NACC1: variants seen among roughly 807,000 people sequenced by gnomAD.
NACC1 encodes nucleus accumbens associated 1, also known as nucleus accumbens-associated protein 1.
NACC1 carries 6 observed loss-of-function variants against 41.7 expected under a neutral mutation model. The observed-to-expected ratio is 0.14, with a 90% CI of 0.08 to 0.28. The LOEUF is 0.28. Among genes scored for constraint, NACC1 ranks in the 10% least tolerant of loss-of-function variants. NACC1 has a pLI of 1.00. For synonymous variants in NACC1, 338 were observed against 330.6 expected (o/e 1.02, Z -0.24); for missense variants, 434 against 763.7 (o/e 0.57, Z 5.09).
In NACC1 at chr19:13,127,371, C is replaced by CTTTT. The variant is rs147514422; in HGVS notation, c.-8-7803_-8-7800dup. 1.6e-3 allele frequency among the ~76,000 whole-genome samples: 46 copies of CTTTT among 28,514 alleles called. 11 individuals carry two copies. Among genetic ancestry groups the CTTTT allele is most frequent in the African/African-American group, 5.0e-3 (39 of 7,776 alleles). 18.7% of individuals were successfully genotyped at this position (28,514 alleles called of 152,430 possible). A position where few individuals can be genotyped will look rare whatever the true frequency, so the allele number is the denominator to read the frequency against. On this transcript the variant is annotated intron_variant, in intron 1 of 5. Coordinates refer to ENST00000292431, the MANE Select transcript of NACC1 (RefSeq NM_052876.4). ...AAAAAAAAGCATACATATACATATA[C>CTTTT]TTTTTTTTTTTTTTTTTTTTTTTTT...
intron 1 of NACC1, among the ~76,000 whole-genome samples, chr19:13,119,528 G>T (rs192097047): frequency 1.3e-5 from 2 of 152,240 alleles, no homozygotes; most frequent in Non-Finnish European, 2.9e-5. Flanking sequence ...ACCTTTTGTG[G>T]CCAGAAGCTG....
At chr19:13,125,752 T>C (rs1331331868) in intron 1 of NACC1, among the ~76,000 whole-genome samples, 1 of 151,398 alleles carries the variant, frequency 6.6e-6, no homozygotes. Flanking sequence ...ACTTCTTTTT[T>C]ATTTTGAGAT....
At chr19:13,120,998 A>T (rs2019483682) in intron 1 of NACC1, among the ~76,000 whole-genome samples, 1 of 152,238 alleles carries the variant, frequency 6.6e-6, no homozygotes, top group Non-Finnish European at 1.5e-5. Context: ...GGAGTAACAG[A>T]TCCAGAGCAG....
At chr19:13,123,539 G>T (rs1344701185) in intron 1 of NACC1, among the ~76,000 whole-genome samples, 1 of 152,128 alleles carries the variant, frequency 6.6e-6, no homozygotes, top group African/African-American at 2.4e-5. Flanking sequence ...GCAGTTGGGA[G>T]GATTGGGAAA....
intron 1 of NACC1, among the ~76,000 whole-genome samples, chr19:13,134,020 C>G (rs1298997594): frequency 6.6e-6 from 1 of 152,054 alleles, no homozygotes; most frequent in Admixed American, 6.6e-5. Context: ...CTTCTAATTT[C>G]CCTGATGACT....
chr19:13,119,578 C>T (rs1164313622), intron 1 of NACC1, among the ~76,000 whole-genome samples: 3 of 152,138 alleles, frequency 2.0e-5, no homozygotes, highest in African/African-American at 4.8e-5. Context: ...CAGCAACCAT[C>T]GTATATATTA....
upstream of NACC1, chr19:13,117,535 C>A (rs1351364696): frequency 6.6e-6 from 1 of 151,572 alleles, no homozygotes; most frequent in Non-Finnish European, 1.5e-5. Flanking sequence ...TTCTTCATTT[C>A]TCTGTGCCTC....
chr19:13,136,067 A>G lies in NACC1; in HGVS notation c.860A>G (p.Asp287Gly). The change falls in exon 2 of 6, where the codon GAT becomes GGT. Residue 287 changes from aspartate (D) to glycine (G), a missense_variant. Asp to Gly is a moderately conservative substitution (Grantham distance 94). This residue lies in a region of NACC1 where 234 missense variants were observed against 308.3 expected (regional missense o/e 0.76). Transcript: ENST00000292431. This position sits in a 1 kb window ranked among gnomAD's most constrained non-coding sequence, Gnocchi z 5.5. ...SYHNEEDEEEDGGEEGMDEQY... is the reference protein window; with the variant it reads ...SYHNEEDEEEGGGEEGMDEQY... ...CACAATGAGGAGGACGAGGAGGAGG[A>G]TGGTGGCGAGGAGGGCATGGATGAG... The G allele has an allele frequency of 6.2e-7, 1 of 1,614,116 alleles. No individual in the cohort carries two copies. The highest frequency in any genetic ancestry group is 8.5e-7 in the Non-Finnish European group (1 of 1,180,020).
chr19:13,123,698 C>T lies in NACC1; in HGVS notation c.-9+5244C>T, dbSNP rs2019527979. 2.0e-5 allele frequency among the ~76,000 whole-genome samples: 3 copies of T among 152,308 alleles called. No individual in the cohort carries two copies. The South Asian group carries it at 6.2e-4, about 32-fold the overall frequency. On this transcript the variant is annotated intron_variant, in intron 1 of 5. Transcript: ENST00000292431. ...TCAGGTAAAGAGCCCCAGCTCTGGGCTCGGCCGGTCCGGGGTTCCCGTCTG... is the reference window on the plus strand; with the variant it reads ...TCAGGTAAAGAGCCCCAGCTCTGGGTTCGGCCGGTCCGGGGTTCCCGTCTG...
intron 1 of NACC1, among the ~76,000 whole-genome samples, chr19:13,121,909 T>G (rs999719770): frequency 1.3e-5 from 2 of 152,226 alleles, no homozygotes; most frequent in African/African-American, 2.4e-5. Flanking sequence ...ACCCTAGTCC[T>G]TCCTTCACAC....
At position 13,127,999 on chromosome 19, in the gene NACC1, C is replaced by T. The variant is rs187845244; in HGVS notation, c.-8-7201C>T. Among the ~76,000 whole-genome samples, 24 of 152,274 alleles carry T rather than the reference C, an allele frequency of 1.6e-4. No individual in the cohort carries two copies. The East Asian group carries it at 4.2e-3, about 27-fold the overall frequency. On this transcript the variant is annotated intron_variant, in intron 1 of 5. Transcript: ENST00000292431. ...CATTGTAGGGGCCCAGGCAGTGTCA[C>T]TTGGGGCCAAGGTAGTACAAAGTGG...
At chr19:13,119,827 G>A (rs1316056931) in intron 1 of NACC1, among the ~76,000 whole-genome samples, 2 of 152,182 alleles carry the variant, frequency 1.3e-5, no homozygotes, top group Non-Finnish European at 2.9e-5. Context: ...TGCCGAGCTC[G>A]CTGGTCGGAT....
intron 1 of NACC1, among the ~76,000 whole-genome samples, chr19:13,120,836 A>G (rs1183734707): frequency 3.3e-5 from 5 of 152,218 alleles, no homozygotes; most frequent in South Asian, 2.1e-4. Flanking sequence ...GCCTAGAGGT[A>G]GAGGAGAAGG....
At chr19:13,130,368 G>T (rs188209849) in intron 1 of NACC1, among the ~76,000 whole-genome samples, 1 of 152,106 alleles carries the variant, frequency 6.6e-6, no homozygotes, top group Non-Finnish European at 1.5e-5. Flanking sequence ...GTGAGCCACC[G>T]TGCCCAGCCT....
chr19:13,124,877 G>A (rs1008520143), intron 1 of NACC1, among the ~76,000 whole-genome samples: 3 of 151,040 alleles, frequency 2.0e-5, no homozygotes, highest in African/African-American at 7.4e-5. Flanking sequence ...CCAGGAGTTC[G>A]AGACCAGCCT....
Position 13,136,059 on chromosome 19 carries a change from G to C in NACC1, c.852G>C (p.Glu284Asp). 6.2e-7 allele frequency: 1 copy of C among 1,614,142 alleles called. No homozygotes were observed. The highest frequency in any genetic ancestry group is 2.2e-5 in the East Asian group (1 of 44,874). Residue 284 changes from glutamate to aspartate, a missense_variant, in exon 2 of 6, where the codon GAG becomes GAC. By Grantham distance (45) the Glu-to-Asp change is conservative. This residue lies in a region of NACC1 where 234 missense variants were observed against 308.3 expected (regional missense o/e 0.76). Coordinates refer to ENST00000292431, the MANE Select transcript of NACC1 (RefSeq NM_052876.4). The surrounding 1 kb of genome is among the most constrained non-coding windows in gnomAD (Gnocchi z 5.5). ...SPGSYHNEED[E>D]EEDGGEEGMD... is the part of the protein sequence containing the mutation. ...GCTCCTACCACAATGAGGAGGACGA[G>C]GAGGAGGATGGTGGCGAGGAGGGCA...
At chr19:13,133,922 T>C (rs572060956) in intron 1 of NACC1, among the ~76,000 whole-genome samples, 31 of 152,332 alleles carry the variant, frequency 2.0e-4, no homozygotes, top group African/African-American at 7.5e-4. Flanking sequence ...TTTCTCATCC[T>C]CACCAACTTT....
At chr19:13,126,271 C>G (rs538535180) in intron 1 of NACC1, among the ~76,000 whole-genome samples, 1 of 152,066 alleles carries the variant, frequency 6.6e-6, no homozygotes, top group East Asian at 1.9e-4. Context: ...TCTCTATCTC[C>G]TGACCTCGTG....
intron 1 of NACC1, among the ~76,000 whole-genome samples, chr19:13,133,088 G>A (rs1244542614): frequency 1.5e-4 from 23 of 152,206 alleles, no homozygotes; most frequent in Admixed American, 1.3e-3. Context: ...AATGAAACAT[G>A]GAAGGTGCTT....
Sources: gnomAD v4.1 joint callset for allele counts (sites outside exome capture counted in the v4.1 genomes callset) on GRCh38, gnomAD v4.1.1 for gene constraint, gnomAD v4.1.1 regional missense constraint, Gnocchi (gnomAD v3.1) non-coding constraint, MANE v1.5 for transcripts, NCBI Gene and HGNC (gene_info 2026-07-23, HGNC 2026-07-21) for gene names.